Variants in RPSA2 observed in about 807,000 individuals in gnomAD.
RPSA2 encodes the protein small ribosomal subunit protein uS2B.
chr19:23,851,149 T>G, the RPSA2 span, among the ~76,000 whole-genome samples: 1 of 152,176 alleles, frequency 6.6e-6, no homozygotes, highest in African/African-American at 2.4e-5. Flanking sequence ...TACAGAAACA[T>G]GTACATATGA....
the RPSA2 span, among the ~76,000 whole-genome samples, chr19:23,843,443 A>G: frequency 4.6e-5 from 7 of 152,166 alleles, no homozygotes; most frequent in African/African-American, 1.4e-4. Flanking sequence ...TTTGTCCCAT[A>G]CCATTAAATT....
chr19:23,840,292 G>T, the RPSA2 span, among the ~76,000 whole-genome samples: 1 of 152,128 alleles, frequency 6.6e-6, no homozygotes, highest in South Asian at 2.1e-4. Flanking sequence ...TCTCCCCTAT[G>T]TTTCAGAGCC....
the RPSA2 span, among the ~76,000 whole-genome samples, chr19:23,851,827 T>G: frequency 1.3e-5 from 2 of 152,152 alleles, no homozygotes; most frequent in African/African-American, 4.8e-5. Flanking sequence ...ATCAAACAAT[T>G]TGTTTTTTGG....
chr19:23,807,743 ACT>A, the RPSA2 span: 1 of 304,530 alleles, frequency 3.3e-6, no homozygotes, highest in East Asian at 9.8e-5. Context: ...AGTTTTTTTT[ACT>A]CTCTCATTTT....
chr19:23,770,071 C>A, the RPSA2 span, among the ~76,000 whole-genome samples: 6 of 152,172 alleles, frequency 3.9e-5, no homozygotes, highest in African/African-American at 1.4e-4. Context: ...TGGGCCTAAA[C>A]CCTAGGTCAT....
the RPSA2 span, among the ~76,000 whole-genome samples, chr19:23,831,307 G>A: frequency 2.0e-4 from 30 of 152,270 alleles, 1 homozygote; most frequent in South Asian, 2.1e-3. Flanking sequence ...AAGGTACTAC[G>A]TTATAGTGGA....
the RPSA2 span, among the ~76,000 whole-genome samples, chr19:23,811,394 T>C: frequency 6.6e-6 from 1 of 152,192 alleles, no homozygotes. Context: ...AGCAATTCTT[T>C]AATGTATCAT....
chr19:23,822,616 G>A, the RPSA2 span, among the ~76,000 whole-genome samples: 4 of 152,138 alleles, frequency 2.6e-5, no homozygotes, highest in Admixed American at 2.6e-4. Flanking sequence ...TGTGTTTTCT[G>A]GAGGGGCATC....
At chr19:23,827,451 C>T in the RPSA2 span, 30 of 1,536,954 alleles carry the variant, frequency 2.0e-5, no homozygotes, top group Non-Finnish European at 8.9e-7. Flanking sequence ...ACTGGAGCCA[C>T]TCCAATTGCT....
the RPSA2 span, chr19:23,843,367 G>C: frequency 6.5e-6 from 1 of 154,682 alleles, no homozygotes; most frequent in Non-Finnish European, 1.5e-5. Context: ...GGGATGCTCT[G>C]CTTCAATGGA....
At chr19:23,826,862 T>C in the RPSA2 span, among the ~76,000 whole-genome samples, 1 of 103,470 alleles carries the variant, frequency 9.7e-6, no homozygotes, top group African/African-American at 3.7e-5. Flanking sequence ...ATTTTTGTAT[T>C]TTTTTTTTCA....
chr19:23,765,848 TATG>T, the RPSA2 span, among the ~76,000 whole-genome samples: 1 of 152,256 alleles, frequency 6.6e-6, no homozygotes, highest in East Asian at 1.9e-4. Context: ...TGACACCTAT[TATG>T]TATCAGAAAT....
the RPSA2 span, among the ~76,000 whole-genome samples, chr19:23,771,901 A>T: frequency 0.011 from 1,658 of 151,934 alleles, 33 homozygotes; most frequent in African/African-American, 0.038. Flanking sequence ...CTTTTCATTC[A>T]TCACCTAGGT....
the RPSA2 span, among the ~76,000 whole-genome samples, chr19:23,813,333 T>A: frequency 6.6e-6 from 1 of 151,960 alleles, no homozygotes; most frequent in African/African-American, 2.4e-5. Context: ...AAACTAAGAC[T>A]CAATATCCAT....
chr19:23,783,400 C>A, the RPSA2 span, among the ~76,000 whole-genome samples: 1 of 152,152 alleles, frequency 6.6e-6, no homozygotes, highest in East Asian at 1.9e-4. Flanking sequence ...TGGCTGGAAT[C>A]ATTTATTTCA....
chr19:23,778,995 C>CAT, the RPSA2 span, among the ~76,000 whole-genome samples: 1 of 80,696 alleles, frequency 1.2e-5, no homozygotes, highest in Non-Finnish European at 2.1e-5. Context: ...TTTTGTGACA[C>CAT]TTTTTTTTTT....
At chr19:23,839,090 G>A in the RPSA2 span, among the ~76,000 whole-genome samples, 1 of 151,978 alleles carries the variant, frequency 6.6e-6, no homozygotes, top group South Asian at 2.1e-4. Flanking sequence ...GAACTTTCCT[G>A]TTAGTACCAC....
At chr19:23,868,386 A>C in the RPSA2 span, among the ~76,000 whole-genome samples, 1 of 152,316 alleles carries the variant, frequency 6.6e-6, no homozygotes, top group Non-Finnish European at 1.5e-5. Flanking sequence ...AAAACTGACA[A>C]TAGACCTGCT....
chr19:23,855,034 T>C, the RPSA2 span, among the ~76,000 whole-genome samples: 1 of 152,136 alleles, frequency 6.6e-6, no homozygotes, highest in African/African-American at 2.4e-5. Context: ...CAGGATATAA[T>C]TCATTGTGAC....
Sources: gnomAD v4.1 joint callset for allele counts (sites outside exome capture counted in the v4.1 genomes callset) on GRCh38, gnomAD v4.1.1 for gene constraint, MANE v1.5 for transcripts, NCBI Gene and HGNC (gene_info 2026-07-23, HGNC 2026-07-21) for gene names.